The following C10orf90 variants were observed in gnomAD, a reference collection of about 807,000 sequenced individuals.
C10orf90 encodes the protein (E2-independent) E3 ubiquitin-conjugating enzyme FATS.
C10orf90 carries 56 observed loss-of-function variants against 62.5 expected under a neutral mutation model. The ratio of observed to expected loss-of-function variants is 0.90; its 90% CI spans 0.72 to 1.12. The LOEUF is 1.12. Ranked by LOEUF, C10orf90 falls within the 50% of genes most tolerant of loss-of-function variation. C10orf90 has a pLI of 0.00. For synonymous variants in C10orf90, 386 were observed against 340.4 expected, an observed-to-expected ratio of 1.13 and a Z score of -1.47; for missense variants, 970 against 880.4, an observed-to-expected ratio of 1.10 and a Z score of -1.29.
At chr10:126,427,370 C>T (rs7915359) in intron 8 of C10orf90, among the ~76,000 whole-genome samples, 4 of 152,124 alleles carry the variant, frequency 2.6e-5, no homozygotes, top group South Asian at 4.1e-4. Flanking sequence ...TCTCAATCAG[C>T]TGGCAGAGTG....
At chr10:126,447,437 A>G (rs968284954) in intron 7 of C10orf90, among the ~76,000 whole-genome samples, 15 of 152,204 alleles carry the variant, frequency 9.9e-5, no homozygotes, top group African/African-American at 3.6e-4. Flanking sequence ...AAAAAGAGAC[A>G]GAGTCATAAT....
intron 2 of C10orf90, among the ~76,000 whole-genome samples, chr10:126,636,732 C>T (rs892913115): frequency 2.0e-5 from 3 of 152,146 alleles, no homozygotes; most frequent in African/African-American, 7.2e-5. Context: ...TGTTTATATG[C>T]TTTTTTCTTT....
intron 2 of C10orf90, among the ~76,000 whole-genome samples, chr10:126,627,826 G>A (rs1262782479): frequency 5.3e-5 from 8 of 152,140 alleles, no homozygotes; most frequent in Non-Finnish European, 1.2e-4. Context: ...GGGTTCCAGC[G>A]ATCCTCCCAA....
At chr10:126,523,574 C>G (rs988809051) in intron 2 of C10orf90, 5 of 152,142 alleles carry the variant, frequency 3.3e-5, no homozygotes, top group Admixed American at 3.3e-4. Flanking sequence ...TTTTTTGAAA[C>G]CTGTGATAAA....
intron 2 of C10orf90, among the ~76,000 whole-genome samples, chr10:126,588,222 G>A (rs1021453285): frequency 6.6e-6 from 1 of 152,212 alleles, no homozygotes. Context: ...GTCCCCAGGG[G>A]GAAGGGTGAC....
At chr10:126,574,968 T>TAG (rs1371670243) in intron 2 of C10orf90, among the ~76,000 whole-genome samples, 5 of 152,092 alleles carry the variant, frequency 3.3e-5, no homozygotes, top group Non-Finnish European at 7.4e-5. Flanking sequence ...AAACGCCTCT[T>TAG]ACAACCATTT....
chr10:126,494,771 C>T (rs533131237), intron 4 of C10orf90, among the ~76,000 whole-genome samples: 41 of 152,328 alleles, frequency 2.7e-4, no homozygotes, highest in African/African-American at 8.9e-4. Flanking sequence ...ATGACTTTCG[C>T]GGTTCCTACA....
At chr10:126,657,548 T>G (rs1347210973) in intron 1 of C10orf90, among the ~76,000 whole-genome samples, 1 of 152,214 alleles carries the variant, frequency 6.6e-6, no homozygotes, top group Non-Finnish European at 1.5e-5. Context: ...TTGATCAATT[T>G]TTTTTCCTTT....
At chr10:126,607,212 G>A (rs1223335417) in intron 2 of C10orf90, among the ~76,000 whole-genome samples, 2 of 152,156 alleles carry the variant, frequency 1.3e-5, no homozygotes, top group Non-Finnish European at 2.9e-5. Context: ...TCCTGAGGAA[G>A]CCAGGAAAAG....
At chr10:126,581,242 G>C (rs1324861883) in intron 2 of C10orf90, among the ~76,000 whole-genome samples, 1 of 152,194 alleles carries the variant, frequency 6.6e-6, no homozygotes, top group Non-Finnish European at 1.5e-5. Flanking sequence ...GTTCCCAAAA[G>C]CTCAAAGGAA....
chr10:126,565,190 T>TTATATTACATATTATGTAATATAAATA (rs1844326691), intron 2 of C10orf90, among the ~76,000 whole-genome samples: 2 of 22,962 alleles, frequency 8.7e-5, no homozygotes, highest in Non-Finnish European at 9.1e-5. Flanking sequence ...TAATATAATA[T>TTATATTACATATTATGTAATATAAATA]TTATATTACA....
chr10:126,529,217 A>G (rs1864030102), intron 2 of C10orf90, among the ~76,000 whole-genome samples: 1 of 152,088 alleles, frequency 6.6e-6, no homozygotes, highest in Admixed American at 6.6e-5. Flanking sequence ...CTACAAATCA[A>G]CTCCAGATAA....
chr10:126,635,803 A>C (rs985502325), intron 2 of C10orf90, among the ~76,000 whole-genome samples: 2 of 152,174 alleles, frequency 1.3e-5, no homozygotes, highest in African/African-American at 4.8e-5. Context: ...CTGGCCTCCC[A>C]TAAGATTTTC....
rs186654713 is a variant in C10orf90 at position 126,612,189 on chromosome 10, C to T, written c.313+34376G>A. ...TACAAAAATTAGCTGCGCATGGAGGCGCGCACCTGTAATCCCAGCTACTCG... is the reference window on the plus strand; with the variant it reads ...TACAAAAATTAGCTGCGCATGGAGGTGCGCACCTGTAATCCCAGCTACTCG... On this transcript the variant is annotated intron_variant, in intron 2 of 9. Coordinates refer to ENST00000488181, the MANE Select transcript of C10orf90 (RefSeq NM_001350921.2). Among the ~76,000 whole-genome samples the T allele has an allele frequency of 7.2e-5, 11 of 152,248 alleles. No homozygotes were observed. The East Asian group carries it at 1.4e-3, about 19-fold the overall frequency.
At chr10:126,480,440 G>A (rs967366866) in intron 4 of C10orf90, among the ~76,000 whole-genome samples, 1 of 152,190 alleles carries the variant, frequency 6.6e-6, no homozygotes, top group Non-Finnish European at 1.5e-5. Flanking sequence ...ATGGTTCAGG[G>A]CACTTTTCCC....
At position 126,649,081 on chromosome 10, in the gene C10orf90, C is replaced by CT. The variant is rs1564909187; in HGVS notation, c.241-2445_241-2444insA. On this transcript the variant is annotated intron_variant, in intron 1 of 9. Transcript: ENST00000488181. The stretch of plus-strand genomic sequence containing the variant: ...CTCTCTCTCTCTCTCTCCCCCCCCC[C>CT]CAGCAATTCACAATGGATGGCAAAT... 6.6e-5 allele frequency among the ~76,000 whole-genome samples: 7 copies of CT among 106,608 alleles called. 1 individual carries two copies. The highest frequency in any genetic ancestry group is 5.8e-4 in the East Asian group (2 of 3,428). The allele number at this position is 106,608 out of a possible 152,430, so 69.9% of individuals were successfully genotyped here.
intron 2 of C10orf90, among the ~76,000 whole-genome samples, chr10:126,623,211 A>G (rs2842158): frequency 0.56 from 85,527 of 151,988 alleles, 24,224 homozygotes; most frequent in Middle Eastern, 0.67. Flanking sequence ...GGACTTCACC[A>G]TGAGTATAAG....
intron 2 of C10orf90, among the ~76,000 whole-genome samples, chr10:126,541,787 A>C (rs1864382805): frequency 6.6e-6 from 1 of 152,218 alleles, no homozygotes; most frequent in Non-Finnish European, 1.5e-5. Context: ...GCAGTTCCCC[A>C]ATAAGGATAC....
intron 2 of C10orf90, among the ~76,000 whole-genome samples, chr10:126,517,693 T>C (rs916062286): frequency 6.6e-6 from 1 of 152,084 alleles, no homozygotes; most frequent in East Asian, 1.9e-4. Flanking sequence ...AGGTGGATCA[T>C]GAGGTCAAGA....
Sources: allele counts gnomAD v4.1 joint callset (sites outside exome capture counted in the v4.1 genomes callset), GRCh38; gene constraint gnomAD v4.1.1; transcripts MANE v1.5; gene names NCBI Gene and HGNC (gene_info 2026-07-23, HGNC 2026-07-21).